TLN2: variants seen among roughly 807,000 people sequenced by gnomAD.
TLN2 encodes the protein talin-2.
In TLN2, 118 loss-of-function variants were observed where a neutral mutation model predicts 294.7. That is an observed-to-expected ratio of 0.40 (90% confidence interval 0.34 to 0.47). The LOEUF is 0.47. Among genes scored for constraint, TLN2 ranks in the 20% least tolerant of loss-of-function variants. TLN2 has a pLI of 0.84. For missense variants in TLN2, 3,083 were observed against 3,282.2 expected, an observed-to-expected ratio of 0.94 and a Z score of 1.48; for synonymous variants, 1,431 against 1,304.5, an observed-to-expected ratio of 1.10 and a Z score of -2.09.
chr15:62,740,826 G>A, intron 32 of TLN2, 57 bp downstream of exon 32: 1 of 1,602,836 alleles, frequency 6.2e-7, no homozygotes. Flanking sequence ...ATTGCAGTCT[G>A]AAGATGTGCC....
intron 1 of TLN2, among the ~76,000 whole-genome samples, chr15:62,430,037 C>T (rs2034932104): frequency 6.6e-6 from 1 of 152,162 alleles, no homozygotes; most frequent in African/African-American, 2.4e-5. Context: ...AGTGATATTC[C>T]TAAACTAGTT....
intron 1 of TLN2, among the ~76,000 whole-genome samples, chr15:62,489,533 C>T (rs769282000): frequency 3.3e-5 from 5 of 152,188 alleles, no homozygotes; most frequent in Non-Finnish European, 7.3e-5. Context: ...CTTCTCCCCT[C>T]CACCCTGCCC....
chr15:62,403,199 C>G (rs1056286301), intron 1 of TLN2, among the ~76,000 whole-genome samples: 4 of 143,930 alleles, frequency 2.8e-5, no homozygotes, highest in African/African-American at 1.1e-4. Context: ...GATCGTGTGA[C>G]AAAGCGAGAC....
chr15:62,559,298 G>A (rs1461057626), intron 1 of TLN2, among the ~76,000 whole-genome samples: 5 of 152,148 alleles, frequency 3.3e-5, no homozygotes, highest in South Asian at 2.1e-4. Flanking sequence ...CCAGTTCTGC[G>A]TGGGCTACAA....
intron 12 of TLN2, chr15:62,687,720 CTG>C (rs1407851374): frequency 3.3e-5 from 5 of 152,202 alleles, no homozygotes; most frequent in East Asian, 1.9e-4. Context: ...AGAAAAAAAA[CTG>C]TGTAAAGAAG....
At chr15:62,638,404 T>A in intron 3 of TLN2, 3 of 384,892 alleles carry the variant, frequency 7.8e-6, no homozygotes, top group South Asian at 3.8e-5. Flanking sequence ...CAAATCTTTA[T>A]GACCAACAAT....
chr15:62,784,349 C>G, intron 45 of TLN2: 1 of 196,954 alleles, frequency 5.1e-6, no homozygotes, highest in Admixed American at 5.8e-5. Flanking sequence ...TTTCATGAAA[C>G]AAAGTCTTGC....
At chr15:62,794,445 C>T (rs2065315806) in intron 46 of TLN2, among the ~76,000 whole-genome samples, 1 of 152,202 alleles carries the variant, frequency 6.6e-6, no homozygotes, top group Non-Finnish European at 1.5e-5. Flanking sequence ...GCACACCCTT[C>T]ACAGAGGGTG....
intron 1 of TLN2, among the ~76,000 whole-genome samples, chr15:62,450,511 GTGTA>G (rs1219079553): frequency 1.9e-3 from 280 of 145,612 alleles, no homozygotes; most frequent in African/African-American, 5.4e-3. Flanking sequence ...GGCCCCCATC[GTGTA>G]TGTATGTATG....
intron 20 of TLN2, among the ~76,000 whole-genome samples, chr15:62,708,123 CT>C (rs2059186563): frequency 6.6e-6 from 1 of 152,088 alleles, no homozygotes; most frequent in African/African-American, 2.4e-5. Flanking sequence ...AAATAGAATT[CT>C]TTTAGGTAGT....
Position 62,677,636 on chromosome 15 carries a change from A to G in TLN2, c.957+2315A>G, listed in dbSNP as rs115982500. Among the ~76,000 whole-genome samples the G allele has an allele frequency of 2.3e-3, 354 of 152,064 alleles. 3 individuals are homozygous for G. The highest frequency in any genetic ancestry group is 8.1e-3 in the African/African-American group (337 of 41,484). On this transcript the variant is annotated intron_variant, in intron 11 of 58. Coordinates refer to ENST00000636159, the MANE Select transcript of TLN2 (RefSeq NM_015059.3). Reference sequence around the variant, plus strand: ...ATCAAACCAAATCTCCTTTTACACAATTATTTAAGGCAAAACAAGAACATG... The same window carrying G: ...ATCAAACCAAATCTCCTTTTACACAGTTATTTAAGGCAAAACAAGAACATG...
At chr15:62,647,206 T>G (rs1026932149) in intron 3 of TLN2, 69 bp from the exon 4 acceptor site, 6 of 1,431,910 alleles carry the variant, frequency 4.2e-6, no homozygotes, top group Non-Finnish European at 4.7e-6. Flanking sequence ...CCAGCACTTT[T>G]TTTGTTTTTT....
intron 20 of TLN2, among the ~76,000 whole-genome samples, chr15:62,707,500 T>C (rs1366144905): frequency 6.6e-6 from 1 of 152,248 alleles, no homozygotes; most frequent in Non-Finnish European, 1.5e-5. Flanking sequence ...TGCAAATTGC[T>C]GTGTCTCCCC....
chr15:62,588,857 C>CA (rs2045868569), intron 1 of TLN2, among the ~76,000 whole-genome samples: 1 of 150,096 alleles, frequency 6.7e-6, no homozygotes, highest in Admixed American at 6.6e-5. Context: ...ATACTTTTGT[C>CA]AAAAAATAAA....
At chr15:62,531,189 G>A (rs2041023476) in intron 1 of TLN2, among the ~76,000 whole-genome samples, 1 of 152,208 alleles carries the variant, frequency 6.6e-6, no homozygotes, top group Admixed American at 6.5e-5. Flanking sequence ...CCCATCAACA[G>A]ATGAATAGAT....
chr15:62,572,534 T>C (rs997402673), intron 1 of TLN2, among the ~76,000 whole-genome samples: 30 of 152,188 alleles, frequency 2.0e-4, no homozygotes, highest in Non-Finnish European at 4.4e-5. Flanking sequence ...GGCAGCCTTT[T>C]TTTCCCCCTT....
chr15:62,817,814 C>CTTTTT (rs1179496167), intron 52 of TLN2, among the ~76,000 whole-genome samples: 34 of 115,730 alleles, frequency 2.9e-4, no homozygotes, highest in Non-Finnish European at 3.2e-4. Flanking sequence ...TCCATTCTAT[C>CTTTTT]TTTTTTTTTT....
chr15:62,585,915 G>A (rs373508682), intron 1 of TLN2, among the ~76,000 whole-genome samples: 4 of 152,172 alleles, frequency 2.6e-5, no homozygotes, highest in South Asian at 2.1e-4. Flanking sequence ...GAGCTGGAGC[G>A]CAAGGGAGCT....
intron 12 of TLN2, among the ~76,000 whole-genome samples, chr15:62,689,066 C>T (rs1337831095): frequency 2.9e-5 from 4 of 136,088 alleles, no homozygotes; most frequent in South Asian, 2.3e-4. Context: ...ATTTCTCTCT[C>T]TCTTTTTTTT....
Sources: gnomAD v4.1 joint callset for allele counts (sites outside exome capture counted in the v4.1 genomes callset) on GRCh38, gnomAD v4.1.1 for gene constraint, MANE v1.5 for transcripts, NCBI Gene and HGNC (gene_info 2026-07-23, HGNC 2026-07-21) for gene names.